Variants in WDR35 observed in about 807,000 individuals in gnomAD.
WDR35 encodes WD repeat-containing protein 35.
WDR35 carries 118 observed loss-of-function variants against 158.3 expected under a neutral mutation model. The observed-to-expected ratio is 0.75, with a 90% CI of 0.64 to 0.87. The LOEUF (loss-of-function observed/expected upper bound fraction) is 0.87. Among genes scored for constraint, WDR35 ranks in the 40% least tolerant of loss-of-function variants. WDR35 has a pLI of 0.00. For missense variants in WDR35, 1,263 were observed against 1,405.8 expected, an observed-to-expected ratio of 0.90 and a Z score of 1.62; for synonymous variants, 448 against 476.1, an observed-to-expected ratio of 0.94 and a Z score of 0.77.
At chr2:19,988,241 C>T (rs1387057355) in intron 2 of WDR35, among the ~76,000 whole-genome samples, 1 of 152,194 alleles carries the variant, frequency 6.6e-6, no homozygotes, top group African/African-American at 2.4e-5. Flanking sequence ...GAAGGTTAAA[C>T]ATCCACTACA....
intron 25 of WDR35, among the ~76,000 whole-genome samples, chr2:19,927,365 C>T (rs771636411): frequency 4.1e-4 from 63 of 152,164 alleles, no homozygotes; most frequent in Admixed American, 3.4e-3. Flanking sequence ...CATTGCAGAA[C>T]AGGCAGAGGT....
intron 19 of WDR35, 41 bp from the exon 20 acceptor site, chr2:19,936,406 C>A: frequency 6.2e-7 from 1 of 1,613,252 alleles, no homozygotes; most frequent in Non-Finnish European, 8.5e-7. Flanking sequence ...ATCTATTTGA[C>A]AAATATTTAC....
rs151285689 is a variant in WDR35 at position 19,959,960 on chromosome 2, T to C, written c.1255+594A>G. Reference sequence around the variant, plus strand: ...TTAGAATAAGATTTGGAATTTTTAATGGGTTACTTTCATAGTTATTGGGTA... The same window carrying C: ...TTAGAATAAGATTTGGAATTTTTAACGGGTTACTTTCATAGTTATTGGGTA... On this transcript the variant is annotated intron_variant, in intron 11 of 26. Transcript: ENST00000281405. 2.6e-5 allele frequency among the ~76,000 whole-genome samples: 4 copies of C among 152,190 alleles called. No individual in the cohort carries two copies. The East Asian group carries it at 7.7e-4, about 29-fold the overall frequency.
Position 19,977,520 on chromosome 2 carries a change from C to CATTACCTGG in WDR35, c.436+1222_436+1230dup, listed in dbSNP as rs1672251988. 2.6e-5 allele frequency among the ~76,000 whole-genome samples: 4 copies of CATTACCTGG among 152,190 alleles called. No homozygotes were observed. The South Asian group carries it at 8.3e-4, about 31-fold the overall frequency. On this transcript the variant is annotated intron_variant, in intron 5 of 26. Transcript: ENST00000281405. Reference sequence around the variant, plus strand: ...AATCTACTTACTTCCATTCCCTTGTCATTACCTGGATGGCTACCATCCACC... The same window carrying CATTACCTGG: ...AATCTACTTACTTCCATTCCCTTGTCATTACCTGGATTACCTGGATGGCTACCATCCACC...
intron 2 of WDR35, among the ~76,000 whole-genome samples, chr2:19,986,204 G>T (rs1351280473): frequency 6.6e-6 from 1 of 152,202 alleles, no homozygotes; most frequent in Non-Finnish European, 1.5e-5. Context: ...AGAATTGAAA[G>T]AGATTTGGAA....
chr2:19,985,580 TAAAA>T (rs532102922), intron 2 of WDR35, among the ~76,000 whole-genome samples: 190 of 116,518 alleles, frequency 1.6e-3, no homozygotes, highest in Non-Finnish European at 3.0e-3. Context: ...CTGGTCCCTT[TAAAA>T]AAAAAAAAAA....
intron 16 of WDR35, among the ~76,000 whole-genome samples, chr2:19,942,522 T>C (rs1670911150): frequency 6.8e-6 from 1 of 146,006 alleles, no homozygotes; most frequent in Admixed American, 6.7e-5. Flanking sequence ...CCCTAGATCC[T>C]TGTATAAACA....
At position 19,935,499 on chromosome 2, in the gene WDR35, G is replaced by A; in HGVS notation, c.2519C>T (p.Ser840Leu). 1 of 1,613,008 alleles carries A rather than the reference G, an allele frequency of 6.2e-7. No individual in the cohort carries two copies. The change falls in exon 21 of 27, where the codon TCA (serine) becomes TTA (leucine). Residue 840 changes from serine to leucine, a missense_variant. Physicochemically the swap from Ser to Leu is moderately radical, Grantham distance 145. Coordinates refer to ENST00000281405, the MANE Select transcript of WDR35 (RefSeq NM_020779.4). ...AAGTAACTTGTGGTTTTCTGGAAGT[G>A]AAATGGCAAGGTTCTCTAACCCTTC... ...DYEGLENLAI[S>L]LPENHKLLPE...
rs1352504013 is a variant in WDR35 at position 19,913,397 on chromosome 2, A to C, written c.*161T>G. On this transcript the variant is annotated 3_prime_UTR_variant, in exon 27 of 27. Coordinates refer to ENST00000281405, the MANE Select transcript of WDR35 (RefSeq NM_020779.4). ...TTATTTCACAGTTGTATTGCCATAA[A>C]AATTATTTTATTAACATATATTTTG... 4.9e-6 allele frequency: 4 copies of C among 824,270 alleles called. No individual in the cohort carries two copies. The African/African-American group carries it at 6.9e-5, about 14-fold the overall frequency. The allele number at this position is 824,270 out of a possible 1,614,324, so 51.1% of individuals were successfully genotyped here.
intron 2 of WDR35, among the ~76,000 whole-genome samples, chr2:19,985,714 T>C (rs1314263243): frequency 2.2e-5 from 3 of 139,500 alleles, no homozygotes; most frequent in Non-Finnish European, 4.6e-5. Flanking sequence ...TGAAACCCCG[T>C]CTCTACTAAA....
At chr2:19,938,601 G>A (rs919153179) in intron 17 of WDR35, among the ~76,000 whole-genome samples, 200 bp from the exon 18 acceptor site, 3 of 152,114 alleles carry the variant, frequency 2.0e-5, no homozygotes, top group Non-Finnish European at 2.9e-5. Context: ...AAGTACCTCT[G>A]AGGCAATCAG....
chr2:19,941,488 T>C (rs1001810388), intron 17 of WDR35, among the ~76,000 whole-genome samples: 1 of 152,304 alleles, frequency 6.6e-6, no homozygotes, highest in Non-Finnish European at 1.5e-5. Flanking sequence ...TTATCTTATA[T>C]AATAACAATC....
chr2:19,951,411 C>T lies in WDR35; in HGVS notation c.1470+4G>A, dbSNP rs1415881278. 1.2e-6 allele frequency: 2 copies of T among 1,604,572 alleles called. No homozygotes were observed. Among genetic ancestry groups the T allele is most frequent in the Admixed American group, 1.7e-5 (1 of 59,652 alleles). Reference sequence around the variant, plus strand: ...CATTTTCTGGAAAAATTAAAATCACCTACTTGAATGGTTTTACTATAATCA... The same window carrying T: ...CATTTTCTGGAAAAATTAAAATCACTTACTTGAATGGTTTTACTATAATCA... On this transcript the variant is annotated splice_donor_region_variant and intron_variant, in intron 13 of 26. Coordinates refer to ENST00000281405, the MANE Select transcript of WDR35 (RefSeq NM_020779.4).
rs553927732 is a variant in WDR35, at chr2:19,978,405, C to T, written c.436+346G>A. Reference sequence around the variant, plus strand: ...ATGACATATTCAGTTCCAATAAAAACGACCACAGACTTTTTGAAACTAAAG... The same window carrying T: ...ATGACATATTCAGTTCCAATAAAAATGACCACAGACTTTTTGAAACTAAAG... On this transcript the variant is annotated intron_variant, in intron 5 of 26. Transcript: ENST00000281405. Among the ~76,000 whole-genome samples, 7 of 152,126 alleles carry T rather than the reference C, an allele frequency of 4.6e-5. No homozygotes were observed. The South Asian group carries it at 6.2e-4, about 14-fold the overall frequency.
intron 16 of WDR35, among the ~76,000 whole-genome samples, chr2:19,945,432 T>C (rs1671014834): frequency 6.6e-6 from 1 of 152,166 alleles, no homozygotes. Flanking sequence ...ATTTTTTTAT[T>C]AGGTTCTTTT....
intron 14 of WDR35, 77 bp from the exon 15 acceptor site, chr2:19,946,647 C>T (rs1671065701): frequency 7.3e-7 from 1 of 1,375,228 alleles, no homozygotes; most frequent in Non-Finnish European, 1.0e-6. Context: ...CTCTATATGT[C>T]TATACATTTG....
intron 16 of WDR35, among the ~76,000 whole-genome samples, chr2:19,944,559 C>G (rs2103414105): frequency 6.6e-6 from 1 of 152,194 alleles, no homozygotes; most frequent in South Asian, 2.1e-4. Flanking sequence ...TGTCAAATTC[C>G]CACAATTGTT....
chr2:19,937,666 T>G, intron 19 of WDR35, 77 bp downstream of exon 19: 1 of 1,583,910 alleles, frequency 6.3e-7, no homozygotes, highest in Non-Finnish European at 8.7e-7. Flanking sequence ...ACCTAACGTA[T>G]TTATAGTTTC....
At position 19,949,314 on chromosome 2, in the gene WDR35, T is replaced by C. The variant is rs202130723; in HGVS notation, c.1471-1097A>G. On this transcript the variant is annotated intron_variant, in intron 13 of 26. Coordinates refer to ENST00000281405, the MANE Select transcript of WDR35 (RefSeq NM_020779.4). ...GGAGTAGTTGTGGCTATTTATACTT[T>C]ATTCTGAAAAATATGGGAACTTACA... 5.3e-5 allele frequency among the ~76,000 whole-genome samples: 8 copies of C among 152,316 alleles called. No individual in the cohort carries two copies. In the East Asian group the frequency reaches 1.2e-3, roughly 22 times the overall value.
Sources: gnomAD v4.1 joint callset for allele counts (sites outside exome capture counted in the v4.1 genomes callset) on GRCh38, gnomAD v4.1.1 for gene constraint, MANE v1.5 for transcripts, NCBI Gene and HGNC (gene_info 2026-07-23, HGNC 2026-07-21) for gene names.